KIF2A: variants seen among roughly 807,000 people sequenced by gnomAD.
The protein encoded by KIF2A is kinesin-like protein KIF2A.
KIF2A carries 22 observed loss-of-function variants against 100.2 expected under a neutral mutation model. The observed-to-expected ratio is 0.22, with a 90% CI of 0.16 to 0.31. KIF2A has a LOEUF of 0.31. Among genes scored for constraint, KIF2A ranks in the 10% least tolerant of loss-of-function variants. The pLI, the probability that KIF2A is intolerant of heterozygous loss-of-function variation, is 1.00. For missense variants in KIF2A, 495 were observed against 898.7 expected, an observed-to-expected ratio of 0.55 and a Z score of 5.74; for synonymous variants, 268 against 285.9, an observed-to-expected ratio of 0.94 and a Z score of 0.63.
chr5:62,342,664 C>T (rs1747353759), intron 1 of KIF2A, among the ~76,000 whole-genome samples: 2 of 152,146 alleles, frequency 1.3e-5, no homozygotes, highest in Admixed American at 1.3e-4. Context: ...CTGAGGCTTT[C>T]TCTGCTCAGT....
intron 1 of KIF2A, among the ~76,000 whole-genome samples, chr5:62,334,997 T>A (rs1221564349): frequency 6.6e-6 from 1 of 152,184 alleles, no homozygotes; most frequent in Non-Finnish European, 1.5e-5. Flanking sequence ...TAAATCAGCC[T>A]GGTGATGGGT....
intron 1 of KIF2A, among the ~76,000 whole-genome samples, chr5:62,340,259 T>G (rs1156420730): frequency 6.6e-6 from 1 of 152,106 alleles, no homozygotes; most frequent in African/African-American, 2.4e-5. Flanking sequence ...GGGAGGGGAA[T>G]GTATGGGGTT....
chr5:62,337,330 A>G (rs1308503599), intron 1 of KIF2A, among the ~76,000 whole-genome samples: 1 of 152,034 alleles, frequency 6.6e-6, no homozygotes, highest in Non-Finnish European at 1.5e-5. Context: ...CCTCTCTACT[A>G]AAAATACAAA....
At chr5:62,367,294 T>A (rs962846596) in intron 16 of KIF2A, among the ~76,000 whole-genome samples, 1 of 151,710 alleles carries the variant, frequency 6.6e-6, no homozygotes, top group Non-Finnish European at 1.5e-5. Context: ...TGAGACAGAG[T>A]CTTGTTCTGT....
chr5:62,333,766 G>T (rs747545845), intron 1 of KIF2A, among the ~76,000 whole-genome samples: 12 of 152,052 alleles, frequency 7.9e-5, no homozygotes, highest in Non-Finnish European at 1.6e-4. Context: ...GCAGAGAAGG[G>T]GTACCTGTTT....
intron 1 of KIF2A, among the ~76,000 whole-genome samples, chr5:62,334,246 C>T (rs1198237811): frequency 6.6e-6 from 1 of 151,962 alleles, no homozygotes; most frequent in Non-Finnish European, 1.5e-5. Context: ...CATCATGACT[C>T]ACCTGGGCAT....
rs968257423 is a variant in KIF2A at position 62,385,623 on chromosome 5, C to T, written c.*54C>T. Reference sequence around the variant, plus strand: ...GAACCCTCACTACTGTAACATACAACGGTTCAGCTGTAAGGGCCATTTGAA... The same window carrying T: ...GAACCCTCACTACTGTAACATACAATGGTTCAGCTGTAAGGGCCATTTGAA... On this transcript the variant is annotated 3_prime_UTR_variant, in exon 21 of 21. Transcript: ENST00000407818. 1.6e-5 allele frequency: 20 copies of T among 1,275,574 alleles called. No homozygotes were observed. The highest frequency in any genetic ancestry group is 2.2e-5 in the Non-Finnish European group (20 of 896,540). The allele number at this position is 1,275,574 out of a possible 1,614,324, so 79.0% of individuals were successfully genotyped here. A position where few individuals can be genotyped will look rare whatever the true frequency, so the allele number is the denominator to read the frequency against.
chr5:62,389,028 T>G lies in KIF2A; in HGVS notation c.*3459T>G. The G allele has an allele frequency of 6.2e-7, 1 of 1,610,426 alleles. No individual in the cohort carries two copies. The highest frequency in any genetic ancestry group is 1.3e-5 in the African/African-American group (1 of 74,584). On this transcript the variant is annotated 3_prime_UTR_variant, in exon 21 of 21. Transcript: ENST00000407818. ...CAAATACCTAGGAAAAATGAATACC[T>G]TCTGCGTTGAATCCATGTAGCAATC...
intron 1 of KIF2A, among the ~76,000 whole-genome samples, chr5:62,316,582 TAC>T (rs1745827224): frequency 6.6e-6 from 1 of 152,222 alleles, no homozygotes; most frequent in African/African-American, 2.4e-5. Flanking sequence ...TAAAGGTGGA[TAC>T]ATGTCATGAT....
chr5:62,306,293 G>A lies in KIF2A; in HGVS notation c.-180G>A. 1 of 568,072 alleles carries A rather than the reference G, an allele frequency of 1.8e-6. No individual in the cohort carries two copies. The highest frequency in any genetic ancestry group is 3.1e-6 in the Non-Finnish European group (1 of 321,460). 35.2% of individuals were successfully genotyped at this position (568,072 alleles called of 1,614,324 possible). ...GTCCTCCTGCCGGCCTGCAGGCCCG[G>A]GGCCTCCGCCTGCTTCCCCACAGCT... On this transcript the variant is annotated 5_prime_UTR_variant, in exon 1 of 21. Coordinates refer to ENST00000407818, the MANE Select transcript of KIF2A (RefSeq NM_001098511.3).
At chr5:62,319,461 C>T (rs1745995611) in intron 1 of KIF2A, among the ~76,000 whole-genome samples, 2 of 152,218 alleles carry the variant, frequency 1.3e-5, no homozygotes, top group African/African-American at 4.8e-5. Context: ...ACCTAGCTAA[C>T]TGCTGTATCT....
At chr5:62,359,961 G>A (rs1479583867) in intron 9 of KIF2A, among the ~76,000 whole-genome samples, 1 of 151,310 alleles carries the variant, frequency 6.6e-6, no homozygotes, top group Non-Finnish European at 1.5e-5. Flanking sequence ...TATATAAAAT[G>A]TTCTACTTGT....
At chr5:62,375,545 C>CA (rs1408460742) in intron 18 of KIF2A, among the ~76,000 whole-genome samples, 3 of 152,198 alleles carry the variant, frequency 2.0e-5, no homozygotes, top group Non-Finnish European at 4.4e-5. Context: ...AACCTTGTAT[C>CA]AATTAAACTC....
At chr5:62,359,825 G>T (rs1489867005) in intron 9 of KIF2A, among the ~76,000 whole-genome samples, 2 of 152,088 alleles carry the variant, frequency 1.3e-5, no homozygotes, top group African/African-American at 4.8e-5. Context: ...GTAGGGTTGG[G>T]AGGTAGGGGT....
At chr5:62,309,439 T>G (rs902056866) in intron 1 of KIF2A, among the ~76,000 whole-genome samples, 1 of 152,216 alleles carries the variant, frequency 6.6e-6, no homozygotes, top group Non-Finnish European at 1.5e-5. Context: ...AGAAGGATCA[T>G]TTGCATTGGA....
intron 19 of KIF2A, among the ~76,000 whole-genome samples, chr5:62,379,537 C>T (rs1208302638): frequency 1.3e-5 from 2 of 152,034 alleles, no homozygotes; most frequent in African/African-American, 4.8e-5. Context: ...TGGCGCATGC[C>T]TGTAATCCCA....
chr5:62,308,016 G>A (rs988177621), intron 1 of KIF2A, among the ~76,000 whole-genome samples: 2 of 152,172 alleles, frequency 1.3e-5, no homozygotes, highest in African/African-American at 4.8e-5. Context: ...ATTCTGCCAG[G>A]TTTGACCAAG....
intron 20 of KIF2A, 85 bp downstream of exon 20, chr5:62,381,338 GAC>G: frequency 9.2e-7 from 1 of 1,092,468 alleles, no homozygotes; most frequent in Non-Finnish European, 1.3e-6. Flanking sequence ...ATTGCAAGAG[GAC>G]ATACGAAGTG....
chr5:62,345,103 C>T (rs1273579129), intron 1 of KIF2A, among the ~76,000 whole-genome samples: 1 of 151,994 alleles, frequency 6.6e-6, no homozygotes, highest in Non-Finnish European at 1.5e-5. Flanking sequence ...AAAATTTAGC[C>T]AGGGCCAGGC....
Sources: allele counts gnomAD v4.1 joint callset (sites outside exome capture counted in the v4.1 genomes callset), GRCh38; gene constraint gnomAD v4.1.1; transcripts MANE v1.5; gene names NCBI Gene and HGNC (gene_info 2026-07-23, HGNC 2026-07-21).